Variants in KAZN observed in about 807,000 individuals in gnomAD.
KAZN encodes the protein kazrin, periplakin interacting protein.
A neutral mutation model predicts 87.4 loss-of-function variants in KAZN; 40 were observed. The observed-to-expected ratio is 0.46, with a 90% CI of 0.36 to 0.60. KAZN has a LOEUF of 0.60. Ranked by LOEUF, KAZN falls within the 20% of genes least tolerant of loss-of-function variation. The pLI is 0.00. For synonymous variants in KAZN, 466 were observed against 458.3 expected, an observed-to-expected ratio of 1.02 and a Z score of -0.22; for missense variants, 898 against 1,073.9, an observed-to-expected ratio of 0.84 and a Z score of 2.29.
At chr1:14,675,168 T>C (rs1640142247) in intron 1 of KAZN, among the ~76,000 whole-genome samples, 1 of 152,232 alleles carries the variant, frequency 6.6e-6, no homozygotes, top group South Asian at 2.1e-4. Flanking sequence ...ATGTCCTGGC[T>C]GCCTGGAGCA....
At chr1:13,970,342 C>A (rs1642093749) in intron 1 of KAZN, among the ~76,000 whole-genome samples, 1 of 152,154 alleles carries the variant, frequency 6.6e-6, no homozygotes. Context: ...CGGTGCTGAG[C>A]CCATCTGTAC....
intron 2 of KAZN, among the ~76,000 whole-genome samples, chr1:14,235,109 T>C (rs1648278955): frequency 6.6e-6 from 1 of 152,158 alleles, no homozygotes; most frequent in Non-Finnish European, 1.5e-5. Flanking sequence ...GCATTATTCA[T>C]AATAGCCAAA....
intron 2 of KAZN, among the ~76,000 whole-genome samples, chr1:14,585,277 G>A (rs959682496): frequency 1.3e-5 from 2 of 152,164 alleles, no homozygotes; most frequent in African/African-American, 2.4e-5. Flanking sequence ...CTTGAGGGAC[G>A]GTGCTAATTT....
At chr1:14,126,408 G>A (rs12061899) in intron 1 of KAZN, among the ~76,000 whole-genome samples, 86,744 of 147,146 alleles carry the variant, frequency 0.59, 26,151 homozygotes, top group East Asian at 0.78. Flanking sequence ...ACGAAGAAAC[G>A]GAAGTGTAAA....
At chr1:14,526,398 G>A (rs1192590454) in intron 2 of KAZN, among the ~76,000 whole-genome samples, 1 of 152,120 alleles carries the variant, frequency 6.6e-6, no homozygotes, top group African/African-American at 2.4e-5. Context: ...AGAGGATCAA[G>A]GTGACATGCG....
intron 1 of KAZN, among the ~76,000 whole-genome samples, chr1:14,862,581 G>A (rs1169440080): frequency 6.6e-6 from 1 of 152,162 alleles, no homozygotes; most frequent in Non-Finnish European, 1.5e-5. Flanking sequence ...AAAATCAGCA[G>A]GGAGTGAAGA....
chr1:14,863,538 C>T (rs1006078324), intron 1 of KAZN, among the ~76,000 whole-genome samples: 16 of 152,144 alleles, frequency 1.1e-4, no homozygotes, highest in African/African-American at 3.9e-4. Flanking sequence ...GTTTACTTTT[C>T]AAACACTTCT....
rs541711586 is a variant in KAZN, at chr1:14,972,775, A to G, written c.418+11900A>G. ...AGTGATTCGCCCACTGTGGCCTCCC[A>G]AAGTGCTGGGATTACAGGCGGGAGC... On this transcript the variant is annotated intron_variant, in intron 2 of 14. Transcript: ENST00000376030. Among the ~76,000 whole-genome samples, 326 of 152,150 alleles carry G rather than the reference A, an allele frequency of 2.1e-3. 4 individuals are homozygous for G. The highest frequency in any genetic ancestry group is 7.5e-3 in the African/African-American group (310 of 41,516).
intron 1 of KAZN, among the ~76,000 whole-genome samples, chr1:14,873,599 C>T (rs907794651): frequency 6.6e-6 from 1 of 152,162 alleles, no homozygotes; most frequent in Non-Finnish European, 1.5e-5. Flanking sequence ...GAGCCAGGGG[C>T]CTTTCAGGCT....
chr1:14,110,578 G>A (rs1644480151), intron 1 of KAZN, among the ~76,000 whole-genome samples: 1 of 139,348 alleles, frequency 7.2e-6, no homozygotes, highest in African/African-American at 2.7e-5. Flanking sequence ...CTCTTAGGAG[G>A]TTTTATTTGC....
chr1:14,040,092 A>T (rs71510955), intron 1 of KAZN, among the ~76,000 whole-genome samples: 77,641 of 122,950 alleles, frequency 0.63, 20,138 homozygotes, highest in Admixed American at 0.66. Flanking sequence ...TGTGTGTGTG[A>T]GAGAGAGAGA....
At chr1:15,090,278 C>T (rs975775573) in intron 8 of KAZN, among the ~76,000 whole-genome samples, 1 of 152,202 alleles carries the variant, frequency 6.6e-6, no homozygotes, top group Non-Finnish European at 1.5e-5. Context: ...TCTCCTCTTC[C>T]CAGAAGCACA....
chr1:14,751,476 G>A (rs1446251500), intron 1 of KAZN, among the ~76,000 whole-genome samples: 1 of 152,134 alleles, frequency 6.6e-6, no homozygotes, highest in South Asian at 2.1e-4. Context: ...AGCTTACCTC[G>A]TTAAAGCCTC....
intron 2 of KAZN, among the ~76,000 whole-genome samples, chr1:14,418,126 A>C (rs1318900805): frequency 6.7e-6 from 1 of 149,400 alleles, no homozygotes; most frequent in Non-Finnish European, 1.5e-5. Context: ...GAACCACGGC[A>C]TATCCTGTGG....
intron 6 of KAZN, chr1:15,060,591 G>A: frequency 2.4e-6 from 1 of 417,676 alleles, no homozygotes; most frequent in Non-Finnish European, 4.4e-6. Flanking sequence ...AGTGGGCCCT[G>A]TCTGGGACCG....
intron 2 of KAZN, among the ~76,000 whole-genome samples, chr1:14,446,512 T>C (rs1018036788): frequency 3.9e-5 from 6 of 152,160 alleles, no homozygotes; most frequent in Admixed American, 6.5e-5. Context: ...TCTAATTCAA[T>C]TGGGAAAAAT....
intron 2 of KAZN, among the ~76,000 whole-genome samples, chr1:15,016,009 A>T (rs1483164327): frequency 1.3e-5 from 2 of 152,180 alleles, no homozygotes; most frequent in Non-Finnish European, 2.9e-5. Flanking sequence ...ACCTGTGCAC[A>T]TGGCCTCATT....
At chr1:14,991,124 G>A (rs533804089) in intron 2 of KAZN, among the ~76,000 whole-genome samples, 9 of 151,966 alleles carry the variant, frequency 5.9e-5, no homozygotes, top group South Asian at 2.1e-4. Flanking sequence ...AGGCTGAGGC[G>A]GGCGGATCAC....
intron 1 of KAZN, among the ~76,000 whole-genome samples, chr1:13,958,107 T>A (rs1411620083): frequency 6.6e-6 from 1 of 152,234 alleles, no homozygotes; most frequent in Non-Finnish European, 1.5e-5. Context: ...TGGGCATTGC[T>A]CAGGCATTAG....
Sources: gnomAD v4.1 joint callset for allele counts (sites outside exome capture counted in the v4.1 genomes callset) on GRCh38, gnomAD v4.1.1 for gene constraint, MANE v1.5 for transcripts, NCBI Gene and HGNC (gene_info 2026-07-23, HGNC 2026-07-21) for gene names.